The following RRP36 variants were observed in gnomAD, a reference collection of about 807,000 sequenced individuals.
RRP36 encodes ribosomal RNA processing 36.
In RRP36, 44 loss-of-function variants were observed where a neutral mutation model predicts 39.8. That is an observed-to-expected ratio of 1.10 (90% CI 0.87 to 1.42). RRP36 has a LOEUF of 1.42. Among genes scored for constraint, RRP36 ranks in the 40% most tolerant of loss-of-function variants. RRP36 has a pLI of 0.00. For synonymous variants in RRP36, 124 were observed against 123.1 expected (o/e 1.01, Z -0.05); for missense variants, 316 against 322.4 (o/e 0.98, Z 0.15).
intron 1 of RRP36, among the ~76,000 whole-genome samples, chr6:43,023,263 G>C (rs529689200): frequency 6.6e-6 from 1 of 152,228 alleles, no homozygotes; most frequent in East Asian, 1.9e-4. Context: ...AGCCAGGGTG[G>C]TGGCCCACGT....
Position 43,029,296 on chromosome 6 carries a change from C to T in RRP36, c.*68C>T, listed in dbSNP as rs916822556. 36 of 1,577,964 alleles carry T rather than the reference C, an allele frequency of 2.3e-5. No individual in the cohort carries two copies. The highest frequency in any genetic ancestry group is 9.0e-5 in the East Asian group (4 of 44,394). ...GGATCTGTGAGGACAGATTTGGCCA[C>T]GGCTGGTTTCCGTTCAAGGGCAAGG... On this transcript the variant is annotated 3_prime_UTR_variant, in exon 7 of 7. Coordinates refer to ENST00000244496, the MANE Select transcript of RRP36 (RefSeq NM_033112.4).
At chr6:43,025,912 G>A (rs771458936) in intron 3 of RRP36, 125 bp from the exon 4 acceptor site, 51 of 594,836 alleles carry the variant, frequency 8.6e-5, no homozygotes, top group East Asian at 2.6e-4. Flanking sequence ...CAGCCTGGGC[G>A]ACAGAGCGAG....
chr6:43,023,543 A>C (rs534388310), intron 1 of RRP36, among the ~76,000 whole-genome samples: 19 of 150,456 alleles, frequency 1.3e-4, no homozygotes, highest in African/African-American at 4.6e-4. Flanking sequence ...AAATACAATA[A>C]TCAGCTGGAC....
rs1762790917 is a variant in RRP36 at position 43,025,285 on chromosome 6, A to G, written c.301A>G (p.Ile101Val). 1 of 1,614,050 alleles carries G rather than the reference A, an allele frequency of 6.2e-7. No homozygotes were observed. The highest frequency in any genetic ancestry group is 1.3e-5 in the African/African-American group (1 of 74,918). The change falls in exon 3 of 7, where the codon ATC (isoleucine) becomes GTC (valine). Residue 101 changes from isoleucine (I) to valine (V), a missense_variant. Coordinates refer to ENST00000244496, the MANE Select transcript of RRP36 (RefSeq NM_033112.4). ...TAGGCCTCTGGAAATGTCAGCCAAG[A>G]TCCGAGTACCATTTTTACGTCAGGT... ...KHRPLEMSAKIRVPFLRQVVP... is the reference protein window; with the variant it reads ...KHRPLEMSAKVRVPFLRQVVP...
chr6:43,026,819 A>G (rs749839730), intron 4 of RRP36, among the ~76,000 whole-genome samples: 14 of 152,224 alleles, frequency 9.2e-5, no homozygotes, highest in Admixed American at 1.3e-4. Context: ...CCTGGCCAAC[A>G]TGGTGAAATT....
chr6:43,026,242 C>T, intron 4 of RRP36, 101 bp downstream of exon 4: 1 of 708,432 alleles, frequency 1.4e-6, no homozygotes, highest in Middle Eastern at 3.9e-4. Flanking sequence ...TAGTGGTGGG[C>T]AGATTTAACT....
intron 6 of RRP36, among the ~76,000 whole-genome samples, chr6:43,027,712 A>AACC (rs1561863932): frequency 8.9e-5 from 4 of 44,982 alleles, no homozygotes; most frequent in Admixed American, 3.1e-4. Flanking sequence ...CCACTTCCCA[A>AACC]CCCCCCCCCC....
In RRP36 at chr6:43,026,157, C is replaced by T. The variant is rs1278090212; in HGVS notation, c.450+16C>T. The stretch of plus-strand genomic sequence containing the variant: ...AGAGAAAGAGGTATACAGCTTGAGA[C>T]TGGTTTATGGGGAATTTTGTGGGGT... On this transcript the variant is annotated intron_variant, in intron 4 of 6. Coordinates refer to ENST00000244496, the MANE Select transcript of RRP36 (RefSeq NM_033112.4). 2.5e-6 allele frequency: 4 copies of T among 1,588,032 alleles called. No homozygotes were observed. The highest frequency in any genetic ancestry group is 3.5e-6 in the Non-Finnish European group (4 of 1,157,286).
At position 43,021,763 on chromosome 6, in the gene RRP36, G is replaced by A. The variant is rs1762717100; in HGVS notation, c.109G>A (p.Val37Met). Residue 37 changes from valine (V) to methionine (M), a missense_variant, in exon 1 of 7, where the codon GTG becomes ATG. Transcript: ENST00000244496. The stretch of plus-strand genomic sequence containing the variant: ...CGGCGGGGGCCTGGAGCCCGCGGCC[G>A]TGGCCCGCGACCTATTGAGGGGTGA... ...EDGGGLEPAA[V>M]ARDLLRGTSN... 1.6e-6 allele frequency: 2 copies of A among 1,220,790 alleles called. No individual in the cohort carries two copies. The highest frequency in any genetic ancestry group is 4.1e-5 in the South Asian group (1 of 24,158). The allele number at this position is 1,220,790 out of a possible 1,614,324, so 75.6% of individuals were successfully genotyped here.
Position 43,029,341 on chromosome 6 carries a change from C to A in RRP36, c.*113C>A. 1 of 1,244,888 alleles carries A rather than the reference C, an allele frequency of 8.0e-7. No individual in the cohort carries two copies. The highest frequency in any genetic ancestry group is 1.1e-6 in the Non-Finnish European group (1 of 882,388). 77.1% of individuals were successfully genotyped at this position (1,244,888 alleles called of 1,614,324 possible). ...GCAAGGATCACAGCTGCCCTTGAAT[C>A]TCATTGCCTCAGAGAAGACTAGAGG... is the stretch of plus-strand genomic sequence containing the variant. On this transcript the variant is annotated 3_prime_UTR_variant, in exon 7 of 7. Transcript: ENST00000244496.
Position 43,029,221 on chromosome 6 carries a change from A to G in RRP36, c.773A>G (p.Lys258Arg), listed in dbSNP as rs1244368971. The change falls in exon 7 of 7, where the codon AAA (lysine) becomes AGA (arginine). Residue 258 changes from lysine (K) to arginine (R), a missense_variant. Lys to Arg is a conservative substitution (Grantham distance 26). Coordinates refer to ENST00000244496, the MANE Select transcript of RRP36 (RefSeq NM_033112.4). ...GACAGGAGACATCTCCCTTTGAGCA[A>G]AGAGTAATAAGGAACTATCCTCTGC... ...GKDRRHLPLSKE is the reference protein window; with the variant it reads ...GKDRRHLPLSRE The G allele has an allele frequency of 3.1e-6, 5 of 1,614,172 alleles. No homozygotes were observed. In the Admixed American group the frequency reaches 6.7e-5, roughly 22 times the overall value.
rs1561863292 is a variant in RRP36 at position 43,026,135 on chromosome 6, GAA to G, written c.446_447del (p.Lys149ArgfsTer17). 1 of 1,611,832 alleles carries G rather than the reference GAA, an allele frequency of 6.2e-7. No homozygotes were observed. The highest frequency in any genetic ancestry group is 2.2e-5 in the East Asian group (1 of 44,866). ...QFLNDIRAKE[K>X]ELVKKQLKKH... Reference sequence around the variant, plus strand: ...TCTTGAATGACATCCGAGCGAAAGAGAAAGAGGTATACAGCTTGAGACTGGTT... The same window carrying G: ...TCTTGAATGACATCCGAGCGAAAGAGAGAGGTATACAGCTTGAGACTGGTT... On this transcript the variant is annotated frameshift_variant, in exon 4 of 7. Transcript: ENST00000244496. LOFTEE classifies it high-confidence loss of function.
Position 43,029,131 on chromosome 6 carries a change from A to G in RRP36, c.683A>G (p.Glu228Gly), listed in dbSNP as rs1379387048. ...TTGGCACTAGCTGAGAAGTTCAAGG[A>G]GCTGAAACGCAGCAAGAAATTGGAG... ...RQLALAEKFK[E>G]LKRSKKLENF... is the part of the protein sequence containing the mutation. The change falls in exon 7 of 7, where the codon GAG becomes GGG. Residue 228 changes from glutamate to glycine, a missense_variant. By Grantham distance (98) the Glu-to-Gly change is moderately conservative (BLOSUM62 -2). Coordinates refer to ENST00000244496, the MANE Select transcript of RRP36 (RefSeq NM_033112.4). 2.4e-5 allele frequency: 38 copies of G among 1,614,128 alleles called. No homozygotes were observed. Among genetic ancestry groups the G allele is most frequent in the Non-Finnish European group, 3.1e-5 (37 of 1,180,056 alleles).
At chr6:43,027,792 C>CACACAA (rs1200331794) in intron 6 of RRP36, among the ~76,000 whole-genome samples, 12 of 135,460 alleles carry the variant, frequency 8.9e-5, no homozygotes, top group Admixed American at 8.5e-4. Context: ...CACACACACA[C>CACACAA]ACACACAAAC....
In RRP36 at chr6:43,029,072, T is replaced by G. The variant is rs1208646517; in HGVS notation, c.644-20T>G. 6.2e-7 allele frequency: 1 copy of G among 1,613,180 alleles called. No homozygotes were observed. Among genetic ancestry groups the G allele is most frequent in the African/African-American group, 1.3e-5 (1 of 74,982 alleles). Reference sequence around the variant, plus strand: ...GGCTTCCTTCTTTGTTCACCAACTTTCATTCTCCCTGTCATTTAGCTGAGC... The same window carrying G: ...GGCTTCCTTCTTTGTTCACCAACTTGCATTCTCCCTGTCATTTAGCTGAGC... On this transcript the variant is annotated intron_variant, in intron 6 of 6. Coordinates refer to ENST00000244496, the MANE Select transcript of RRP36 (RefSeq NM_033112.4).
At chr6:43,026,628 G>A (rs745467979) in intron 4 of RRP36, among the ~76,000 whole-genome samples, 6 of 151,022 alleles carry the variant, frequency 4.0e-5, no homozygotes, top group Admixed American at 6.6e-5. Flanking sequence ...AGACAAGATC[G>A]TGTCACTGCA....
chr6:43,027,762 TACAC>T (rs57851236), intron 6 of RRP36, among the ~76,000 whole-genome samples: 6,142 of 81,538 alleles, frequency 0.075, 418 homozygotes, highest in African/African-American at 0.18. Context: ...TGGTCTACAC[TACAC>T]ACACACACAC....
rs150883789 is a variant in RRP36 at position 43,026,517 on chromosome 6, A to G, written c.450+376A>G. 9.2e-5 allele frequency among the ~76,000 whole-genome samples: 14 copies of G among 152,116 alleles called. No individual in the cohort carries two copies. The East Asian group carries it at 2.7e-3, about 29-fold the overall frequency. ...GTGAAACCCCATCTCTACTAAAAAT[A>G]GAAAAATTAGCCAAGTGTGGTGTTG... On this transcript the variant is annotated intron_variant, in intron 4 of 6. Coordinates refer to ENST00000244496, the MANE Select transcript of RRP36 (RefSeq NM_033112.4).
rs1762810374 is a variant in RRP36 at position 43,026,132 on chromosome 6, A to G, written c.441A>G (p.Lys147=). 2 of 1,612,452 alleles carry G rather than the reference A, an allele frequency of 1.2e-6. No individual in the cohort carries two copies. The highest frequency in any genetic ancestry group is 1.7e-6 in the Non-Finnish European group (2 of 1,178,612). Reference sequence around the variant, plus strand: ...AATTCTTGAATGACATCCGAGCGAAAGAGAAAGAGGTATACAGCTTGAGAC... The same window carrying G: ...AATTCTTGAATGACATCCGAGCGAAGGAGAAAGAGGTATACAGCTTGAGAC... ...TYQFLNDIRA[K]EKELVKKQLK... Residue 147 remains lysine, a synonymous_variant, in exon 4 of 7, where the codon AAA becomes AAG. Coordinates refer to ENST00000244496, the MANE Select transcript of RRP36 (RefSeq NM_033112.4).
Sources: gnomAD v4.1 joint callset for allele counts (sites outside exome capture counted in the v4.1 genomes callset) on GRCh38, gnomAD v4.1.1 for gene constraint, MANE v1.5 for transcripts, NCBI Gene and HGNC (gene_info 2026-07-23, HGNC 2026-07-21) for gene names.